The following VWA8 variants were observed in gnomAD, a reference collection of about 807,000 sequenced individuals.
The protein encoded by VWA8 is von Willebrand factor A domain-containing protein 8.
A neutral mutation model predicts 241.5 loss-of-function variants in VWA8; 221 were observed. The ratio of observed to expected loss-of-function variants is 0.91; its 90% CI spans 0.82 to 1.02. The LOEUF (loss-of-function observed/expected upper bound fraction) is 1.02, where lower values mean the gene tolerates loss of function less well. Ranked by LOEUF, VWA8 falls within the 50% of genes least tolerant of loss-of-function variation. The probability of loss-of-function intolerance (pLI) is 0.00; values close to 1 mark genes in which losing one functional copy is unlikely to be tolerated. For missense variants in VWA8, 2,322 were observed against 2,328.7 expected (o/e 1.00, Z 0.06); for synonymous variants, 852 against 827.1 (o/e 1.03, Z -0.52).
chr13:41,850,534 C>G (rs1872487382), intron 12 of VWA8, among the ~76,000 whole-genome samples: 1 of 152,206 alleles, frequency 6.6e-6, no homozygotes. Flanking sequence ...CAAGTTCAGG[C>G]TGTTCTCCAT....
At chr13:41,822,627 G>C (rs1242498701) in intron 14 of VWA8, among the ~76,000 whole-genome samples, 6 of 152,156 alleles carry the variant, frequency 3.9e-5, no homozygotes, top group Non-Finnish European at 7.4e-5. Context: ...TGAACTTATG[G>C]TGTCCCAGCC....
chr13:41,793,157 AAT>A (rs1166507814), intron 17 of VWA8, among the ~76,000 whole-genome samples: 1 of 152,138 alleles, frequency 6.6e-6, no homozygotes. Context: ...GTTTACTAAG[AAT>A]ATTCCAGATT....
In VWA8 at chr13:41,939,478, C is replaced by T. The variant is rs537521907; in HGVS notation, c.241+10458G>A. 1.3e-5 allele frequency among the ~76,000 whole-genome samples: 2 copies of T among 151,290 alleles called. 1 individual carries two copies. Among genetic ancestry groups the T allele is most frequent in the Middle Eastern group, 6.9e-3 (2 of 288 alleles). On this transcript the variant is annotated intron_variant, in intron 2 of 44. Coordinates refer to ENST00000379310, the MANE Select transcript of VWA8 (RefSeq NM_015058.2). ...AGGCAGGAGGTAACAAGACCTAGATCATAAAAAAAAAAACTGAAGAGTAAT... is the reference window on the plus strand; with the variant it reads ...AGGCAGGAGGTAACAAGACCTAGATTATAAAAAAAAAAACTGAAGAGTAAT...
intron 4 of VWA8, among the ~76,000 whole-genome samples, chr13:41,903,622 C>T (rs1442449865): frequency 6.6e-6 from 1 of 152,062 alleles, no homozygotes; most frequent in East Asian, 1.9e-4. Flanking sequence ...AAACTCACAC[C>T]AAGCAGAGGA....
intron 27 of VWA8, among the ~76,000 whole-genome samples, chr13:41,702,953 C>G (rs2137829029): frequency 6.6e-6 from 1 of 152,294 alleles, no homozygotes; most frequent in African/African-American, 2.4e-5. Flanking sequence ...CAGTTCTTTA[C>G]TTTACTTTCA....
rs143606082 is a variant in VWA8, at chr13:41,810,334, T to C, written c.2063+891A>G. ...AGAGAGGTCTGTGCTACCATGTTTA[T>C]TGAAGCACTATTCACAATAGCTAAG... On this transcript the variant is annotated intron_variant, in intron 17 of 44. Coordinates refer to ENST00000379310, the MANE Select transcript of VWA8 (RefSeq NM_015058.2). Among the ~76,000 whole-genome samples, 949 of 152,256 alleles carry C rather than the reference T, an allele frequency of 6.2e-3. 7 individuals are homozygous for C. Among genetic ancestry groups the C allele is most frequent in the African/African-American group, 0.022 (903 of 41,564 alleles).
intron 17 of VWA8, among the ~76,000 whole-genome samples, chr13:41,795,558 A>G (rs1296382048): frequency 6.6e-6 from 1 of 152,254 alleles, no homozygotes; most frequent in Non-Finnish European, 1.5e-5. Context: ...AATGCCCATC[A>G]ATGATAAACT....
intron 35 of VWA8, among the ~76,000 whole-genome samples, chr13:41,679,464 T>G (rs1377517539): frequency 6.6e-6 from 1 of 152,174 alleles, no homozygotes; most frequent in African/African-American, 2.4e-5. Flanking sequence ...TGATACCAAA[T>G]TTTTGATTTT....
At chr13:41,857,320 C>T (rs992958928) in intron 12 of VWA8, among the ~76,000 whole-genome samples, 1 of 152,066 alleles carries the variant, frequency 6.6e-6, no homozygotes, top group Admixed American at 6.6e-5. Context: ...ACAATGATGA[C>T]TTACAATTAG....
rs761878023 is a variant in VWA8, at chr13:41,571,272, GTCCCTCTCCCGTC to G, written c.5371-579_5371-567del. On this transcript the variant is annotated intron_variant, in intron 43 of 44. Transcript: ENST00000379310. ...TATGATTGTATATCTAGAAAACCCTGTCCCTCTCCCGTCTCCCTCTCCCGTCTCCCTCTCCCTC... is the reference window on the plus strand; with the variant it reads ...TATGATTGTATATCTAGAAAACCCTGTCCCTCTCCCGTCTCCCTCTCCCTC... Among the ~76,000 whole-genome samples, 335 of 127,526 alleles carry G rather than the reference GTCCCTCTCCCGTC, an allele frequency of 2.6e-3. 3 individuals carry two copies. In the East Asian group the frequency reaches 0.032, roughly 12 times the overall value. The allele number at this position is 127,526 out of a possible 152,430, so 83.7% of individuals were successfully genotyped here.
At chr13:41,617,545 T>A (rs2044629003) in intron 37 of VWA8, among the ~76,000 whole-genome samples, 1 of 152,250 alleles carries the variant, frequency 6.6e-6, no homozygotes, top group Admixed American at 6.5e-5. Context: ...ACGTGCAGGT[T>A]TGTTACATAT....
chr13:41,822,173 C>T (rs1221167001), intron 14 of VWA8, among the ~76,000 whole-genome samples: 1 of 151,984 alleles, frequency 6.6e-6, no homozygotes, highest in Non-Finnish European at 1.5e-5. Context: ...TCAATCATAC[C>T]TCAACAGAGC....
intron 2 of VWA8, among the ~76,000 whole-genome samples, chr13:41,916,052 G>A (rs901959526): frequency 5.3e-5 from 8 of 152,116 alleles, no homozygotes; most frequent in African/African-American, 1.9e-4. Context: ...CTATTTACTA[G>A]CTATGTAACC....
chr13:41,930,933 G>A (rs1437102494), intron 2 of VWA8, among the ~76,000 whole-genome samples: 7 of 151,784 alleles, frequency 4.6e-5, no homozygotes, highest in South Asian at 2.1e-4. Flanking sequence ...GGCGGATCAC[G>A]AGGTCAAGAG....
At chr13:41,835,873 C>T (rs972917575) in intron 12 of VWA8, among the ~76,000 whole-genome samples, 1 of 152,070 alleles carries the variant, frequency 6.6e-6, no homozygotes, top group African/African-American at 2.4e-5. Flanking sequence ...CATAGAGTTA[C>T]ATCACACATT....
At chr13:41,665,561 A>G (rs1475481) in intron 37 of VWA8, among the ~76,000 whole-genome samples, 214 of 150,730 alleles carry the variant, frequency 1.4e-3, no homozygotes, top group African/African-American at 5.0e-3. Flanking sequence ...TAAGTAATTA[A>G]GTACATTAAG....
chr13:41,851,791 A>C (rs1872542631), intron 12 of VWA8, among the ~76,000 whole-genome samples: 1 of 152,240 alleles, frequency 6.6e-6, no homozygotes. Context: ...AAGGCTGAAT[A>C]ATAATTCATT....
chr13:41,729,278 G>A (rs1327263611), intron 23 of VWA8, among the ~76,000 whole-genome samples: 6 of 151,838 alleles, frequency 4.0e-5, no homozygotes, highest in Non-Finnish European at 7.4e-5. Context: ...TTATACGTTG[G>A]TATGTCAGAG....
chr13:41,956,465 G>A (rs1878357357), intron 1 of VWA8, among the ~76,000 whole-genome samples: 1 of 152,156 alleles, frequency 6.6e-6, no homozygotes, highest in Admixed American at 6.5e-5. Flanking sequence ...GAGCCTTTCT[G>A]TTAAATTCTT....
Sources: allele counts gnomAD v4.1 joint callset (sites outside exome capture counted in the v4.1 genomes callset), GRCh38; gene constraint gnomAD v4.1.1; transcripts MANE v1.5; gene names NCBI Gene and HGNC (gene_info 2026-07-23, HGNC 2026-07-21).